The following RBFOX1 variants were observed in gnomAD, a reference collection of about 807,000 sequenced individuals.
The protein encoded by RBFOX1 is RNA binding protein fox-1 homolog 1.
A neutral mutation model predicts 57.7 loss-of-function variants in RBFOX1; 8 were observed. The ratio of observed to expected loss-of-function variants is 0.14; its 90% CI spans 0.08 to 0.25. The LOEUF (loss-of-function observed/expected upper bound fraction) is 0.25. Among genes scored for constraint, RBFOX1 ranks in the 10% least tolerant of loss-of-function variants. The pLI, the probability that RBFOX1 is intolerant of heterozygous loss-of-function variation, is 1.00. For synonymous variants in RBFOX1, 326 were observed against 222.4 expected (o/e 1.47, Z -4.15); for missense variants, 611 against 548.5 (o/e 1.11, Z -1.14).
intron 2 of RBFOX1, among the ~76,000 whole-genome samples, chr16:5,483,057 C>T (rs754507332): frequency 1.4e-4 from 21 of 152,304 alleles, no homozygotes; most frequent in Middle Eastern, 6.8e-3. Context: ...TCACAGAGTT[C>T]TAACCCCACA....
At chr16:7,540,395 C>T (rs1052007527) in intron 5 of RBFOX1, among the ~76,000 whole-genome samples, 1 of 152,152 alleles carries the variant, frequency 6.6e-6, no homozygotes, top group African/African-American at 2.4e-5. Context: ...CATCCAGGCT[C>T]CCTCAGGTGT....
intron 2 of RBFOX1, among the ~76,000 whole-genome samples, chr16:5,547,700 A>G (rs1349226672): frequency 6.6e-6 from 1 of 152,186 alleles, no homozygotes; most frequent in Admixed American, 6.6e-5. Context: ...TACACAATGG[A>G]ATACTACACA....
rs536416501 is a variant in RBFOX1, at chr16:7,403,788, C to T, written c.28-114359C>T. Reference sequence around the variant, plus strand: ...CTCGAACTCCTGACCTCAGGTGAACCACACACCTCAGCCTCCCAAAGTGCT... The same window carrying T: ...CTCGAACTCCTGACCTCAGGTGAACTACACACCTCAGCCTCCCAAAGTGCT... On this transcript the variant is annotated intron_variant, in intron 4 of 15. Coordinates refer to ENST00000550418, the MANE Select transcript of RBFOX1 (RefSeq NM_018723.4). Among the ~76,000 whole-genome samples, 96 of 152,046 alleles carry T rather than the reference C, an allele frequency of 6.3e-4. 1 individual carries two copies. Among genetic ancestry groups the T allele is most frequent in the Admixed American group, 6.1e-3 (93 of 15,260 alleles).
intron 5 of RBFOX1, among the ~76,000 whole-genome samples, chr16:7,571,216 A>G (rs1236734508): frequency 6.6e-6 from 1 of 151,722 alleles, no homozygotes; most frequent in African/African-American, 2.4e-5. Context: ...TAAGGAAGAA[A>G]AAAAAATCCT....
chr16:7,656,439 G>C (rs2066314125), intron 12 of RBFOX1, among the ~76,000 whole-genome samples: 1 of 144,166 alleles, frequency 6.9e-6, no homozygotes, highest in African/African-American at 2.5e-5. Context: ...GCAGGAGCTG[G>C]CTGGAAGAGC....
intron 5 of RBFOX1, among the ~76,000 whole-genome samples, chr16:7,578,433 A>C (rs2093497580): frequency 6.6e-6 from 1 of 152,214 alleles, no homozygotes; most frequent in Non-Finnish European, 1.5e-5. Context: ...CTTTATTTCA[A>C]AATGCGATTC....
chr16:7,290,547 A>C (rs575079530), intron 4 of RBFOX1, among the ~76,000 whole-genome samples: 1 of 152,230 alleles, frequency 6.6e-6, no homozygotes, highest in African/African-American at 2.4e-5. Flanking sequence ...TTAACCAACT[A>C]GTAAATTAAA....
intron 1 of RBFOX1, among the ~76,000 whole-genome samples, chr16:6,239,947 G>A (rs1393694094): frequency 6.6e-6 from 1 of 152,192 alleles, no homozygotes; most frequent in East Asian, 1.9e-4. Flanking sequence ...ATGGTGGGGG[G>A]TGTTTCGGTT....
chr16:5,300,607 A>G (rs995124618), intron 1 of RBFOX1, among the ~76,000 whole-genome samples: 1 of 152,314 alleles, frequency 6.6e-6, no homozygotes, highest in African/African-American at 2.4e-5. Context: ...GATTTGATGA[A>G]ATTTGCCAGT....
chr16:5,631,489 G>A (rs150559970), intron 3 of RBFOX1, among the ~76,000 whole-genome samples: 4 of 151,798 alleles, frequency 2.6e-5, no homozygotes, highest in African/African-American at 9.7e-5. Flanking sequence ...CCAAGGAGGC[G>A]GAGGTTGCAG....
chr16:6,377,450 T>C (rs1455477174), intron 2 of RBFOX1, among the ~76,000 whole-genome samples: 1 of 152,160 alleles, frequency 6.6e-6, no homozygotes, highest in Non-Finnish European at 1.5e-5. Flanking sequence ...TCCAACCCAG[T>C]GTACAAGGCA....
At chr16:5,755,488 C>G (rs1028406007) in intron 3 of RBFOX1, among the ~76,000 whole-genome samples, 2 of 152,174 alleles carry the variant, frequency 1.3e-5, no homozygotes, top group East Asian at 1.9e-4. Flanking sequence ...GTTAGGTAGA[C>G]CAAAGCAGTA....
intron 4 of RBFOX1, among the ~76,000 whole-genome samples, chr16:7,318,611 C>T (rs868427507): frequency 6.6e-6 from 1 of 152,148 alleles, no homozygotes; most frequent in African/African-American, 2.4e-5. Flanking sequence ...GAATAGCGTT[C>T]CTATAAACAA....
At chr16:6,782,874 T>A (rs1182563758) in intron 3 of RBFOX1, among the ~76,000 whole-genome samples, 1 of 152,154 alleles carries the variant, frequency 6.6e-6, no homozygotes, top group Non-Finnish European at 1.5e-5. Flanking sequence ...GTTTCTCTCT[T>A]TATCTCTAAT....
In RBFOX1 at chr16:6,321,978, C is replaced by G. The variant is rs113158202; in HGVS notation, c.-64+4921C>G. 7.4e-3 allele frequency among the ~76,000 whole-genome samples: 1,133 copies of G among 152,328 alleles called. 10 individuals carry two copies. Among genetic ancestry groups the G allele is most frequent in the African/African-American group, 0.024 (997 of 41,580 alleles). On this transcript the variant is annotated intron_variant, in intron 2 of 15. Transcript: ENST00000550418. The stretch of plus-strand genomic sequence containing the variant: ...CACTTAAGGCTCCCAATGCATAACA[C>G]TTGAAATCAGTCCACGTCTCACTCA...
intron 3 of RBFOX1, among the ~76,000 whole-genome samples, chr16:6,730,790 T>C (rs1171944932): frequency 6.6e-6 from 1 of 152,176 alleles, no homozygotes. Flanking sequence ...ATGGCTTAGA[T>C]TTCATTTACT....
intron 1 of RBFOX1, among the ~76,000 whole-genome samples, chr16:6,024,150 G>T (rs2095139866): frequency 1.3e-5 from 2 of 152,270 alleles, no homozygotes; most frequent in South Asian, 4.1e-4. Flanking sequence ...GGTGACTGTG[G>T]CCTGCTGCTA....
intron 2 of RBFOX1, among the ~76,000 whole-genome samples, chr16:6,601,973 CTT>C (rs888199830): frequency 6.6e-6 from 1 of 151,920 alleles, no homozygotes; most frequent in African/African-American, 2.4e-5. Context: ...ATAAACAACT[CTT>C]CTCTCTTGTC....
intron 1 of RBFOX1, among the ~76,000 whole-genome samples, chr16:5,375,973 C>A (rs1388855984): frequency 6.6e-6 from 1 of 151,980 alleles, no homozygotes; most frequent in Admixed American, 6.6e-5. Flanking sequence ...CTGAGACCAG[C>A]CTGGCCAACG....
Sources: gnomAD v4.1 joint callset for allele counts (sites outside exome capture counted in the v4.1 genomes callset) on GRCh38, gnomAD v4.1.1 for gene constraint, MANE v1.5 for transcripts, NCBI Gene and HGNC (gene_info 2026-07-23, HGNC 2026-07-21) for gene names.